Variants in PRKG2 observed in about 807,000 individuals in gnomAD.
PRKG2 encodes cGMP-dependent protein kinase 2.
A neutral mutation model predicts 97.2 loss-of-function variants in PRKG2; 33 were observed. The observed-to-expected ratio is 0.34, with a 90% confidence interval of 0.26 to 0.45. The LOEUF is 0.45. Ranked by LOEUF, PRKG2 falls within the 20% of genes least tolerant of loss-of-function variation. The pLI is 1.00. For synonymous variants in PRKG2, 330 were observed against 321.8 expected, an observed-to-expected ratio of 1.03 and a Z score of -0.27; for missense variants, 638 against 900.0, an observed-to-expected ratio of 0.71 and a Z score of 3.73.
At chr4:81,180,434 T>A (rs1380529941) in intron 2 of PRKG2, among the ~76,000 whole-genome samples, 1 of 151,812 alleles carries the variant, frequency 6.6e-6, no homozygotes, top group Non-Finnish European at 1.5e-5. Flanking sequence ...AGGCTGAAAA[T>A]AAAAAAGTGG....
intron 17 of PRKG2, among the ~76,000 whole-genome samples, chr4:81,099,012 C>G (rs1246202378): frequency 6.6e-6 from 1 of 152,030 alleles, no homozygotes; most frequent in African/African-American, 2.4e-5. Flanking sequence ...ACAAGGTATG[C>G]CTGAACCTGA....
At position 81,188,086 on chromosome 4, in the gene PRKG2, A is replaced by T. The variant is rs193080789; in HGVS notation, c.462-13127T>A. On this transcript the variant is annotated intron_variant, in intron 2 of 18. Transcript: ENST00000264399. Reference sequence around the variant, plus strand: ...AAACTACCATCAGAGTGAACAGGCAACCTACAAAATGGGAGAAAATTTTTG... The same window carrying T: ...AAACTACCATCAGAGTGAACAGGCATCCTACAAAATGGGAGAAAATTTTTG... Among the ~76,000 whole-genome samples, 136 of 152,314 alleles carry T rather than the reference A, an allele frequency of 8.9e-4. No homozygotes were observed. In the East Asian group the frequency reaches 0.024, roughly 27 times the overall value.
intron 16 of PRKG2, 138 bp downstream of exon 16, chr4:81,105,675 G>A (rs1003440474): frequency 5.7e-6 from 7 of 1,238,274 alleles, no homozygotes; most frequent in Non-Finnish European, 7.8e-6. Context: ...AACAGAAAAT[G>A]ACTTCCTTCA....
chr4:81,185,197 T>G (rs1330163909), intron 2 of PRKG2, among the ~76,000 whole-genome samples: 1 of 151,730 alleles, frequency 6.6e-6, no homozygotes, highest in Non-Finnish European at 1.5e-5. Flanking sequence ...AAGGTTGAAA[T>G]GGAGAAAAAA....
chr4:81,188,195 A>G (rs1263198934), intron 2 of PRKG2, among the ~76,000 whole-genome samples: 4 of 151,178 alleles, frequency 2.6e-5, no homozygotes, highest in African/African-American at 4.9e-5. Flanking sequence ...AAACAACCCC[A>G]TCAAACAGTG....
At chr4:81,136,653 G>A (rs1746729866) in intron 13 of PRKG2, among the ~76,000 whole-genome samples, 2 of 151,622 alleles carry the variant, frequency 1.3e-5, no homozygotes, top group Admixed American at 6.6e-5. Flanking sequence ...AGTTTAATTC[G>A]AATCCTTCCT....
At chr4:81,140,034 A>C (rs1747118926) in intron 12 of PRKG2, among the ~76,000 whole-genome samples, 1 of 152,140 alleles carries the variant, frequency 6.6e-6, no homozygotes, top group South Asian at 2.1e-4. Context: ...ATGTTATGTG[A>C]AATAAGCCAG....
At chr4:81,108,731 CA>C (rs1210537301) in intron 15 of PRKG2, among the ~76,000 whole-genome samples, 1 of 151,790 alleles carries the variant, frequency 6.6e-6, no homozygotes, top group Non-Finnish European at 1.5e-5. Context: ...ACCATTTCTG[CA>C]AAAAAATTTT....
At chr4:81,171,100 A>G (rs2110082763) in intron 4 of PRKG2, among the ~76,000 whole-genome samples, 1 of 152,174 alleles carries the variant, frequency 6.6e-6, no homozygotes, top group Middle Eastern at 3.4e-3. Flanking sequence ...TGCTGCAACT[A>G]TCAACTTAAC....
At chr4:81,137,850 A>G (rs1746863209) in intron 12 of PRKG2, among the ~76,000 whole-genome samples, 1 of 152,212 alleles carries the variant, frequency 6.6e-6, no homozygotes. Context: ...GAGACCTCTG[A>G]ATATGTCACC....
intron 12 of PRKG2, among the ~76,000 whole-genome samples, chr4:81,137,748 T>C (rs1184001070): frequency 2.0e-5 from 3 of 152,206 alleles, no homozygotes; most frequent in African/African-American, 4.8e-5. Flanking sequence ...ATGTTATCCA[T>C]TCTTCAGGGC....
chr4:81,174,710 G>T, intron 3 of PRKG2, 83 bp downstream of exon 3: 1 of 1,365,276 alleles, frequency 7.3e-7, no homozygotes, highest in South Asian at 1.5e-5. Context: ...AGAGCAACCA[G>T]TTTTATGTTT....
chr4:81,145,852 C>T (rs1250879827), intron 9 of PRKG2, among the ~76,000 whole-genome samples: 1 of 152,154 alleles, frequency 6.6e-6, no homozygotes, highest in Non-Finnish European at 1.5e-5. Context: ...CCTCAAAATA[C>T]CTAAAATTAA....
At chr4:81,117,886 A>T (rs56142532) in intron 14 of PRKG2, among the ~76,000 whole-genome samples, 35,978 of 152,106 alleles carry the variant, frequency 0.24, 5,680 homozygotes, top group East Asian at 0.46. Context: ...ACTCTTAGTG[A>T]TGCATATTTT....
chr4:81,146,718 C>T (rs1430969110), intron 9 of PRKG2, among the ~76,000 whole-genome samples: 1 of 152,106 alleles, frequency 6.6e-6, no homozygotes, highest in Non-Finnish European at 1.5e-5. Flanking sequence ...GAACAAGTTA[C>T]ATGTTTCTGT....
chr4:81,133,599 T>C (rs750489629), intron 14 of PRKG2, among the ~76,000 whole-genome samples: 2 of 152,196 alleles, frequency 1.3e-5, no homozygotes, highest in Non-Finnish European at 2.9e-5. Context: ...TCATGTTTCA[T>C]CCAGTAGACA....
At chr4:81,112,755 C>T (rs1194450975) in intron 14 of PRKG2, among the ~76,000 whole-genome samples, 1 of 152,190 alleles carries the variant, frequency 6.6e-6, no homozygotes, top group Non-Finnish European at 1.5e-5. Flanking sequence ...CTATTTAAGA[C>T]AAGTGCCTAA....
At chr4:81,098,643 A>G (rs1742373904) in intron 17 of PRKG2, among the ~76,000 whole-genome samples, 1 of 152,128 alleles carries the variant, frequency 6.6e-6, no homozygotes, top group East Asian at 1.9e-4. Flanking sequence ...GTCTCAGGAA[A>G]TAGGGAGGTC....
intron 9 of PRKG2, among the ~76,000 whole-genome samples, chr4:81,145,109 T>C (rs934037332): frequency 6.6e-6 from 1 of 152,162 alleles, no homozygotes. Flanking sequence ...TTATATTCCT[T>C]TGGGTATATA....
Sources: allele counts gnomAD v4.1 joint callset (sites outside exome capture counted in the v4.1 genomes callset), GRCh38; gene constraint gnomAD v4.1.1; transcripts MANE v1.5; gene names NCBI Gene and HGNC (gene_info 2026-07-23, HGNC 2026-07-21).